FOCAD: variants seen among roughly 807,000 people sequenced by gnomAD.
FOCAD encodes the protein focadhesin.
Under a neutral mutation model 225.6 loss-of-function variants are expected in FOCAD, and 198 were observed. The observed-to-expected ratio is 0.88, with a 90% confidence interval of 0.78 to 0.99. FOCAD has a LOEUF of 0.99. Among genes scored for constraint, FOCAD ranks in the 50% least tolerant of loss-of-function variants. The pLI is 0.00. For synonymous variants in FOCAD, 897 were observed against 755.0 expected, an observed-to-expected ratio of 1.19 and a Z score of -3.08; for missense variants, 2,713 against 2,123.6, an observed-to-expected ratio of 1.28 and a Z score of -5.46.
At chr9:20,975,093 C>T (rs1840114589) in intron 35 of FOCAD, among the ~76,000 whole-genome samples, 2 of 152,078 alleles carry the variant, frequency 1.3e-5, no homozygotes, top group Non-Finnish European at 2.9e-5. Flanking sequence ...GATTCTGCTT[C>T]TCTTTCTGCT....
At chr9:20,846,409 C>G (rs1304971231) in intron 15 of FOCAD, among the ~76,000 whole-genome samples, 2 of 152,132 alleles carry the variant, frequency 1.3e-5, no homozygotes, top group African/African-American at 4.8e-5. Context: ...CTCTTTCCCT[C>G]TCACTGGACT....
At chr9:20,708,918 C>A (rs1441486087) in intron 1 of FOCAD, among the ~76,000 whole-genome samples, 1 of 152,198 alleles carries the variant, frequency 6.6e-6, no homozygotes, top group Non-Finnish European at 1.5e-5. Flanking sequence ...CCCTCCTCCT[C>A]CAACTACCTT....
At chr9:20,686,083 GAATTA>G (rs1822647831) in intron 1 of FOCAD, among the ~76,000 whole-genome samples, 1 of 152,154 alleles carries the variant, frequency 6.6e-6, no homozygotes, top group Admixed American at 6.5e-5. Flanking sequence ...GTGATTAGTT[GAATTA>G]AATTGTTAAT....
At chr9:20,964,978 A>G (rs775556086) in intron 35 of FOCAD, among the ~76,000 whole-genome samples, 2 of 152,160 alleles carry the variant, frequency 1.3e-5, no homozygotes, top group Non-Finnish European at 2.9e-5. Flanking sequence ...CTGATGGGAA[A>G]TAAGTCTAAA....
intron 4 of FOCAD, among the ~76,000 whole-genome samples, chr9:20,736,742 A>T (rs1375479188): frequency 6.6e-6 from 1 of 152,080 alleles, no homozygotes; most frequent in Non-Finnish European, 1.5e-5. Context: ...TTTATTTTTT[A>T]AAACAACGTA....
At chr9:20,961,099 T>C (rs1204974495) in intron 35 of FOCAD, among the ~76,000 whole-genome samples, 1 of 151,976 alleles carries the variant, frequency 6.6e-6, no homozygotes, top group East Asian at 1.9e-4. Flanking sequence ...TACCCATCTA[T>C]GTTTTTTATT....
In FOCAD at chr9:20,976,451, AG is replaced by A. The variant is rs756626446; in HGVS notation, c.4165del (p.Val1389Ter). On this transcript the variant is annotated frameshift_variant, in exon 36 of 44. Transcript: ENST00000338382. LOFTEE classifies it high-confidence loss of function. Reference sequence around the variant, plus strand: ...AATCTGTGCCTCCTTCCCTTCTTAAAGTAGTGATGAAACCCATAGCAACTGT... The same window carrying A: ...AATCTGTGCCTCCTTCCCTTCTTAAATAGTGATGAAACCCATAGCAACTGT... Reference protein sequence around the residue: ...PESVPPSLLKVVMKPIATVGE... With the variant: ...PESVPPSLLKXVMKPIATVGE... The A allele has an allele frequency of 6.2e-7, 1 of 1,613,080 alleles. No individual in the cohort carries two copies. The highest frequency in any genetic ancestry group is 1.1e-5 in the South Asian group (1 of 91,078).
intron 39 of FOCAD, among the ~76,000 whole-genome samples, chr9:20,982,707 T>A (rs1840809473): frequency 6.6e-6 from 1 of 152,224 alleles, no homozygotes. Context: ...CACCTGATCC[T>A]ATCCTTAGGA....
intron 5 of FOCAD, among the ~76,000 whole-genome samples, chr9:20,747,913 G>C (rs1828195362): frequency 6.7e-6 from 1 of 149,766 alleles, no homozygotes; most frequent in Admixed American, 6.7e-5. Context: ...GAGTAGTTTA[G>C]TTATTGTTTT....
chr9:20,671,887 C>A (rs1822074402), intron 2 of FOCAD, among the ~76,000 whole-genome samples: 1 of 152,080 alleles, frequency 6.6e-6, no homozygotes. Context: ...TTGTGTACAC[C>A]TCTTTCAAAT....
chr9:20,963,353 C>G (rs1206863520), intron 35 of FOCAD, among the ~76,000 whole-genome samples: 1 of 152,112 alleles, frequency 6.6e-6, no homozygotes, highest in Non-Finnish European at 1.5e-5. Flanking sequence ...CAAAGGAGAG[C>G]TCATTATCTT....
intron 42 of FOCAD, among the ~76,000 whole-genome samples, chr9:20,991,611 G>A (rs1841673437): frequency 6.6e-6 from 1 of 151,930 alleles, no homozygotes; most frequent in East Asian, 1.9e-4. Context: ...TCAGGAGTTC[G>A]AGTCCAACCT....
At chr9:20,834,366 T>C (rs1316177348) in intron 15 of FOCAD, among the ~76,000 whole-genome samples, 1 of 152,022 alleles carries the variant, frequency 6.6e-6, no homozygotes, top group Non-Finnish European at 1.5e-5. Context: ...ACCTAGGTGA[T>C]GGGTTGATCT....
chr9:20,695,193 A>G (rs1334087853), intron 1 of FOCAD, among the ~76,000 whole-genome samples: 4 of 151,892 alleles, frequency 2.6e-5, no homozygotes, highest in African/African-American at 9.7e-5. Flanking sequence ...TATTAGTGGC[A>G]AATTTTTTTT....
chr9:20,907,760 C>G (rs1833103695), intron 22 of FOCAD, among the ~76,000 whole-genome samples: 5 of 152,074 alleles, frequency 3.3e-5, no homozygotes, highest in Admixed American at 3.3e-4. Flanking sequence ...CTTTACCCAC[C>G]TAATTTTACT....
intron 2 of FOCAD, among the ~76,000 whole-genome samples, chr9:20,670,967 T>C (rs7859334): frequency 0.6 from 91,745 of 152,064 alleles, 28,206 homozygotes; most frequent in South Asian, 0.74. Context: ...TATGTAAAAA[T>C]TTTAAATCCC....
intron 35 of FOCAD, among the ~76,000 whole-genome samples, chr9:20,964,290 C>T (rs1321695543): frequency 6.6e-6 from 1 of 152,086 alleles, no homozygotes; most frequent in Non-Finnish European, 1.5e-5. Context: ...TCGCTTGAGC[C>T]TGGGTGGCGG....
At chr9:20,721,707 CA>C (rs1825779128) in intron 4 of FOCAD, among the ~76,000 whole-genome samples, 1 of 152,024 alleles carries the variant, frequency 6.6e-6, no homozygotes, top group Non-Finnish European at 1.5e-5. Flanking sequence ...ATCTTAACAA[CA>C]ACAACAAAAA....
intron 1 of FOCAD, among the ~76,000 whole-genome samples, chr9:20,708,625 T>C (rs1340670877): frequency 6.6e-6 from 1 of 151,716 alleles, no homozygotes; most frequent in African/African-American, 2.4e-5. Context: ...TTAAAAAAAC[T>C]TTAGCCAGGC....
Sources: gnomAD v4.1 joint callset for allele counts (sites outside exome capture counted in the v4.1 genomes callset) on GRCh38, gnomAD v4.1.1 for gene constraint, MANE v1.5 for transcripts, NCBI Gene and HGNC (gene_info 2026-07-23, HGNC 2026-07-21) for gene names.